NAALADL2: variants seen among roughly 807,000 people sequenced by gnomAD.
NAALADL2 encodes N-acetylated alpha-linked acidic dipeptidase like 2, also known as inactive N-acetylated-alpha-linked acidic dipeptidase-like protein 2.
Under a neutral mutation model 87.2 loss-of-function variants are expected in NAALADL2, and 76 were observed. The ratio of observed to expected loss-of-function variants is 0.87; its 90% CI spans 0.72 to 1.05. NAALADL2 has a LOEUF of 1.05. NAALADL2 is among the 50% of genes least tolerant of loss of function. NAALADL2 has a pLI of 0.00. For synonymous variants in NAALADL2, 354 were observed against 331.0 expected (o/e 1.07, Z -0.75); for missense variants, 1,089 against 945.8 (o/e 1.15, Z -1.99).
chr3:174,471,822 AGTGTTG>A (rs971876623), intron 1 of NAALADL2, among the ~76,000 whole-genome samples: 28 of 152,206 alleles, frequency 1.8e-4, no homozygotes, highest in African/African-American at 6.7e-4. Flanking sequence ...GTGTTCAATG[AGTGTTG>A]GCTATTCCTG....
At chr3:175,014,110 A>C (rs1218829897) in intron 1 of NAALADL2, among the ~76,000 whole-genome samples, 1 of 152,128 alleles carries the variant, frequency 6.6e-6, no homozygotes, top group South Asian at 2.1e-4. Context: ...ACACACACAC[A>C]AACGTGTAAT....
intron 1 of NAALADL2, among the ~76,000 whole-genome samples, chr3:174,895,443 T>C (rs1227796821): frequency 6.6e-6 from 1 of 152,020 alleles, no homozygotes; most frequent in Non-Finnish European, 1.5e-5. Context: ...AACTGACAAA[T>C]TACTAGATAC....
chr3:174,771,567 G>A (rs1714561547), intron 3 of NAALADL2, among the ~76,000 whole-genome samples: 6 of 152,246 alleles, frequency 3.9e-5, no homozygotes, highest in African/African-American at 1.2e-4. Context: ...AAGGAATGGC[G>A]AAACATGCAC....
intron 2 of NAALADL2, among the ~76,000 whole-genome samples, chr3:174,569,563 C>G (rs557181904): frequency 8.4e-4 from 128 of 152,160 alleles, no homozygotes; most frequent in African/African-American, 3.1e-3. Flanking sequence ...CATTTCCCTG[C>G]TTCTTTGCAT....
At chr3:175,584,661 T>C (rs1720284493) in intron 10 of NAALADL2, among the ~76,000 whole-genome samples, 4 of 152,380 alleles carry the variant, frequency 2.6e-5, no homozygotes, top group African/African-American at 9.6e-5. Context: ...CGTAGCCTAT[T>C]CATCCTAGGC....
At chr3:174,764,874 G>A (rs1713565502) in intron 3 of NAALADL2, among the ~76,000 whole-genome samples, 1 of 152,072 alleles carries the variant, frequency 6.6e-6, no homozygotes, top group Admixed American at 6.6e-5. Flanking sequence ...TATAGTATAA[G>A]TCCAACTAGA....
At chr3:175,014,257 G>A (rs1750532871) in intron 1 of NAALADL2, among the ~76,000 whole-genome samples, 1 of 151,946 alleles carries the variant, frequency 6.6e-6, no homozygotes, top group South Asian at 2.1e-4. Flanking sequence ...GTTCTGTTAG[G>A]TATCTGTATG....
At chr3:175,183,480 T>C (rs1322906918) in intron 2 of NAALADL2, among the ~76,000 whole-genome samples, 1 of 152,074 alleles carries the variant, frequency 6.6e-6, no homozygotes, top group Non-Finnish European at 1.5e-5. Flanking sequence ...GCTTGTCATA[T>C]ATGGCCTTTA....
chr3:175,052,754 CTTA>C (rs1385725343), intron 1 of NAALADL2, among the ~76,000 whole-genome samples: 9 of 152,138 alleles, frequency 5.9e-5, no homozygotes, highest in Admixed American at 5.9e-4. Context: ...AAATTTTGAT[CTTA>C]TTAAGAGCTG....
chr3:174,853,808 G>A (rs896949535), intron 3 of NAALADL2, among the ~76,000 whole-genome samples: 4 of 152,150 alleles, frequency 2.6e-5, no homozygotes, highest in Admixed American at 2.0e-4. Flanking sequence ...TCAGAGATAT[G>A]CAAATCAAAA....
At chr3:174,518,542 C>T (rs149781679) in intron 1 of NAALADL2, among the ~76,000 whole-genome samples, 19 of 152,260 alleles carry the variant, frequency 1.2e-4, no homozygotes, top group Admixed American at 2.0e-4. Context: ...TAAATCACAA[C>T]CCTGCTTCAC....
At chr3:174,730,146 C>T (rs1426590167) in intron 2 of NAALADL2, among the ~76,000 whole-genome samples, 3 of 152,040 alleles carry the variant, frequency 2.0e-5, no homozygotes, top group South Asian at 4.1e-4. Context: ...TAGTGACCTA[C>T]TGTCCTTCTA....
intron 1 of NAALADL2, among the ~76,000 whole-genome samples, chr3:174,513,107 G>A (rs546141328): frequency 5.9e-4 from 90 of 152,022 alleles, no homozygotes; most frequent in African/African-American, 2.1e-3. Flanking sequence ...GATTACAAGC[G>A]TGTGCCACCA....
intron 3 of NAALADL2, among the ~76,000 whole-genome samples, chr3:174,748,556 G>T (rs537607412): frequency 4.6e-5 from 7 of 152,080 alleles, no homozygotes; most frequent in South Asian, 2.1e-4. Flanking sequence ...TACATTTGTG[G>T]TGATTTGTTA....
intron 11 of NAALADL2, among the ~76,000 whole-genome samples, chr3:175,716,658 A>G (rs1741338016): frequency 6.6e-6 from 1 of 152,136 alleles, no homozygotes; most frequent in Non-Finnish European, 1.5e-5. Flanking sequence ...TTAGAGGGAA[A>G]GTGGCTCAAA....
intron 1 of NAALADL2, among the ~76,000 whole-genome samples, chr3:175,032,006 GA>G (rs910441053): frequency 1.4e-4 from 22 of 151,844 alleles, no homozygotes; most frequent in Non-Finnish European, 3.2e-4. Context: ...TATATATTCT[GA>G]ATATTAGACC....
Position 174,625,057 on chromosome 3 carries a change from C to CTCTCTTTTTTTTTTT in NAALADL2, c.-115+74421_-115+74422insCTCTTTTTTTTTTTT, listed in dbSNP as rs748895219. On this transcript the variant is annotated intron_variant, in intron 2 of 3. Coordinates refer to the NAALADL2 transcript ENST00000434257. ...TATTTATTGCTATCTCTCTCTCTCT[C>CTCTCTTTTTTTTTTT]TTTTTTTTTTTTTTTTTTTGAGACA... 3.2e-4 allele frequency among the ~76,000 whole-genome samples: 25 copies of CTCTCTTTTTTTTTTT among 78,852 alleles called. 1 individual carries two copies. The highest frequency in any genetic ancestry group is 8.6e-4 in the African/African-American group (17 of 19,832). The allele number at this position is 78,852 out of a possible 152,430, so 51.7% of individuals were successfully genotyped here. A position where few individuals can be genotyped will look rare whatever the true frequency, so the allele number is the denominator to read the frequency against.
rs191664653 is a variant in NAALADL2, at chr3:174,684,448, G to T, written c.-114-53193G>T. 3.4e-3 allele frequency among the ~76,000 whole-genome samples: 510 copies of T among 152,068 alleles called. 1 individual carries two copies. Among genetic ancestry groups the T allele is most frequent in the Non-Finnish European group, 5.8e-3 (397 of 67,936 alleles). On this transcript the variant is annotated intron_variant, in intron 2 of 3. Coordinates refer to the NAALADL2 transcript ENST00000434257. Reference sequence around the variant, plus strand: ...TGTCTGTTAACCTCTTTACAAAATTGAATTTCATTTTTTCAAGCTAGTTTG... The same window carrying T: ...TGTCTGTTAACCTCTTTACAAAATTTAATTTCATTTTTTCAAGCTAGTTTG...
At chr3:174,445,288 C>T (rs1015288494) in intron 1 of NAALADL2, among the ~76,000 whole-genome samples, 3 of 151,976 alleles carry the variant, frequency 2.0e-5, no homozygotes, top group African/African-American at 7.2e-5. Context: ...ATCAGACACG[C>T]AAAGGTAGAA....
Sources: gnomAD v4.1 joint callset for allele counts (sites outside exome capture counted in the v4.1 genomes callset) on GRCh38, gnomAD v4.1.1 for gene constraint, MANE v1.5 for transcripts, NCBI Gene and HGNC (gene_info 2026-07-23, HGNC 2026-07-21) for gene names.